MADD: variants seen among roughly 807,000 people sequenced by gnomAD.
MADD encodes MAP kinase-activating death domain protein.
A neutral mutation model predicts 176.7 loss-of-function variants in MADD; 109 were observed. That is an observed-to-expected ratio of 0.62 (90% confidence interval 0.53 to 0.72). MADD has a LOEUF of 0.72. Among genes scored for constraint, MADD ranks in the 30% least tolerant of loss-of-function variants. MADD has a pLI of 0.00. For missense variants in MADD, 1,914 were observed against 2,045.5 expected, an observed-to-expected ratio of 0.94 and a Z score of 1.24; for synonymous variants, 771 against 771.3, an observed-to-expected ratio of 1.00 and a Z score of 0.01.
chr11:47,289,913 G>A (rs747852666), exon 17 of MADD: 17 of 1,614,118 alleles, frequency 1.1e-5, no homozygotes, highest in Non-Finnish European at 1.4e-5. Context: ...CGTGCTGGAC[G>A]GCCAGGGAGT....
At chr11:47,286,184 G>C (rs181751150) in intron 14 of MADD, among the ~76,000 whole-genome samples, 1 of 152,182 alleles carries the variant, frequency 6.6e-6, no homozygotes, top group East Asian at 1.9e-4. Flanking sequence ...CAGTGGATGA[G>C]AGACTTGGAT....
chr11:47,292,365 G>A (rs2066053735), intron 19 of MADD, among the ~76,000 whole-genome samples, 178 bp from the exon 21 acceptor site: 1 of 152,142 alleles, frequency 6.6e-6, no homozygotes, highest in African/African-American at 2.4e-5. Flanking sequence ...AGTTTGGGTG[G>A]AGGGGTTAGA....
At chr11:47,324,811 G>A (rs901427800) in intron 30 of MADD, 2 of 669,034 alleles carry the variant, frequency 3.0e-6, no homozygotes. Flanking sequence ...GGGCAGGAGC[G>A]AGGCCAGGTG....
rs993661270 is a variant in MADD at position 47,294,087 on chromosome 11, T to G, written c.3402+104T>G. On this transcript the variant is annotated intron_variant, in intron 20 of 32. Transcript: ENST00000402192. ...TCAGACAGCCGGGCACAGTGGCTCA[T>G]GCTTGTAATCCCAGCACTTTGGGAG... is the stretch of plus-strand genomic sequence containing the variant. The G allele has an allele frequency of 1.0e-5, 10 of 955,162 alleles. No individual in the cohort carries two copies. In the African/African-American group the frequency reaches 1.6e-4, roughly 16 times the overall value. 59.2% of individuals were successfully genotyped at this position (955,162 alleles called of 1,614,324 possible).
At position 47,286,468 on chromosome 11, in the gene MADD, CT is replaced by C; in HGVS notation, c.2590del (p.Ser864GlnfsTer20). ...TCGGAACCACAGTACCAGCTTCAGT[CT>C]TTCAAACCTCACACTGCCCACCAAA... On this transcript the variant is annotated frameshift_variant, in exon 15 of 33. Transcript: ENST00000402192. LOFTEE classifies it high-confidence loss of function. 1 of 1,614,192 alleles carries C rather than the reference CT, an allele frequency of 6.2e-7. No individual in the cohort carries two copies. The highest frequency in any genetic ancestry group is 2.2e-5 in the East Asian group (1 of 44,888).
intron 27 of MADD, among the ~76,000 whole-genome samples, chr11:47,320,112 G>A (rs1047976494): frequency 2.1e-5 from 3 of 144,252 alleles, no homozygotes; most frequent in Admixed American, 1.4e-4. Flanking sequence ...ATTAGATGTC[G>A]TATGGTGTAC....
At chr11:47,320,861 C>T (rs2094349730) in intron 27 of MADD, among the ~76,000 whole-genome samples, 1 of 152,106 alleles carries the variant, frequency 6.6e-6, no homozygotes, top group Non-Finnish European at 1.5e-5. Context: ...GTCAAGGCTT[C>T]AGTGAGCTCT....
intron 19 of MADD, among the ~76,000 whole-genome samples, chr11:47,291,091 C>T (rs375108177): frequency 1.3e-5 from 2 of 152,072 alleles, no homozygotes; most frequent in South Asian, 2.1e-4. Flanking sequence ...GAGCTGTACT[C>T]CTGGCCCCTC....
chr11:47,315,149 T>TG, intron 26 of MADD, 71 bp from the exon 30 acceptor site: 1 of 846,112 alleles, frequency 1.2e-6, no homozygotes, highest in Non-Finnish European at 2.0e-6. Context: ...GATTGCTGGA[T>TG]GGGGAATTCT....
intron 31 of MADD, chr11:47,327,458 G>A: frequency 2.0e-6 from 2 of 985,378 alleles, no homozygotes; most frequent in Non-Finnish European, 2.4e-6. Context: ...AAGTGACCTC[G>A]GCTCGTGCTG....
At position 47,282,972 on chromosome 11, in the gene MADD, G is replaced by A. The variant is rs751676002; in HGVS notation, c.1862+3G>A. On this transcript the variant is annotated splice_donor_region_variant and intron_variant, in intron 10 of 32. Transcript: ENST00000402192. ...GACTCCGAACCTACTGATGATAGGT[G>A]AGCATCCTTAGGGCAGCAAAAAGGT... 6.2e-7 allele frequency: 1 copy of A among 1,613,010 alleles called. No homozygotes were observed. The highest frequency in any genetic ancestry group is 2.2e-5 in the East Asian group (1 of 44,874).
At chr11:47,291,507 G>T (rs965308807) in intron 19 of MADD, among the ~76,000 whole-genome samples, 1 of 152,106 alleles carries the variant, frequency 6.6e-6, no homozygotes, top group African/African-American at 2.4e-5. Context: ...AGGTCCCTAG[G>T]CACTCTGCTT....
chr11:47,281,511 A>C (rs1360769930), intron 7 of MADD, 64 bp from the exon 8 acceptor site: 1 of 1,358,460 alleles, frequency 7.4e-7, no homozygotes, highest in Non-Finnish European at 1.0e-6. Context: ...TTTTCCTTGG[A>C]GTTAAGATTG....
intron 3 of MADD, among the ~76,000 whole-genome samples, chr11:47,275,606 T>C (rs1368075533): frequency 6.6e-6 from 1 of 152,262 alleles, no homozygotes. Flanking sequence ...TAATCTTTAC[T>C]AAGCAAAAGA....
rs541654690 is a variant in MADD, at chr11:47,308,977, C to A, written c.3751+278C>A. ...ATGGTCCTTCCTGCTCTCAAATTGGCAGGAAGGGACAAAGGATCCATGTGG... is the reference window on the plus strand; with the variant it reads ...ATGGTCCTTCCTGCTCTCAAATTGGAAGGAAGGGACAAAGGATCCATGTGG... On this transcript the variant is annotated intron_variant, in intron 23 of 32. Coordinates refer to ENST00000402192, the Ensembl canonical transcript of MADD. 4.0e-5 allele frequency: 65 copies of A among 1,613,612 alleles called. No homozygotes were observed. The South Asian group carries it at 6.8e-4, about 17-fold the overall frequency.
intron 2 of MADD, 64 bp downstream of exon 2, chr11:47,274,040 C>G (rs1207555806): frequency 1.4e-6 from 2 of 1,427,718 alleles, no homozygotes; most frequent in African/African-American, 2.8e-5. Flanking sequence ...TGCAGTTGTT[C>G]CCTTCTCCGA....
intron 15 of MADD, 32 bp from the exon 17 acceptor site, chr11:47,289,359 G>T: frequency 1.3e-6 from 2 of 1,531,674 alleles, no homozygotes; most frequent in South Asian, 1.1e-5. Flanking sequence ...CTACAATAGT[G>T]ATGTCTCTCA....
chr11:47,314,752 A>G (rs1053294456), intron 26 of MADD, among the ~76,000 whole-genome samples: 5 of 152,216 alleles, frequency 3.3e-5, no homozygotes, highest in Admixed American at 2.0e-4. Flanking sequence ...ACCTCAACCA[A>G]AGCAACATAC....
intron 30 of MADD, chr11:47,324,913 C>A: frequency 1.0e-5 from 6 of 601,610 alleles, no homozygotes; most frequent in South Asian, 9.9e-5. Context: ...TTCCTCTATT[C>A]CCAGGATATG....
Sources: allele counts gnomAD v4.1 joint callset (sites outside exome capture counted in the v4.1 genomes callset), GRCh38; gene constraint gnomAD v4.1.1; transcripts MANE v1.5; gene names NCBI Gene and HGNC (gene_info 2026-07-23, HGNC 2026-07-21).